TMEM200A: variants seen among roughly 807,000 people sequenced by gnomAD.
TMEM200A encodes two transmembrane C.
Under a neutral mutation model 24.3 loss-of-function variants are expected in TMEM200A, and 12 were observed. The ratio of observed to expected loss-of-function variants is 0.49; its 90% CI spans 0.32 to 0.80. The LOEUF (loss-of-function observed/expected upper bound fraction) is 0.80. Ranked by LOEUF, TMEM200A falls within the 30% of genes least tolerant of loss-of-function variation. The pLI is 0.04. For missense variants in TMEM200A, 545 were observed against 614.4 expected (o/e 0.89, Z 1.19); for synonymous variants, 224 against 224.4 (o/e 1.00, Z 0.02).
At position 130,377,999 on chromosome 6, in the gene TMEM200A, C is replaced by T. The variant is rs571104476; in HGVS notation, c.-80-7174C>T. 5.9e-5 allele frequency among the ~76,000 whole-genome samples: 9 copies of T among 151,996 alleles called. No individual in the cohort carries two copies. The South Asian group carries it at 8.3e-4, about 14-fold the overall frequency. On this transcript the variant is annotated intron_variant, in intron 1 of 2. Coordinates refer to ENST00000296978, the MANE Select transcript of TMEM200A (RefSeq NM_001258277.2). The stretch of plus-strand genomic sequence containing the variant: ...TAGTATATCCTGTGAAGGAGTGTGC[C>T]GCAGGAGGAATAGAAAGTGCAAAGG...
intron 2 of TMEM200A, among the ~76,000 whole-genome samples, chr6:130,403,532 A>C (rs1197662992): frequency 7.6e-6 from 1 of 131,092 alleles, no homozygotes; most frequent in Non-Finnish European, 1.5e-5. Flanking sequence ...TAGAATTTTG[A>C]ATGAAAAATT....
rs532835386 is a variant in TMEM200A, at chr6:130,430,770, G to A, written c.-16-9637G>A. 1.4e-4 allele frequency among the ~76,000 whole-genome samples: 22 copies of A among 152,238 alleles called. 1 individual carries two copies. Among genetic ancestry groups the A allele is most frequent in the African/African-American group, 5.3e-4 (22 of 41,546 alleles). ...CACACCTGTTTCTACCTTGCTTTAAGGATGATCCTACTTAGATTTTACTTA... is the reference window on the plus strand; with the variant it reads ...CACACCTGTTTCTACCTTGCTTTAAAGATGATCCTACTTAGATTTTACTTA... On this transcript the variant is annotated intron_variant, in intron 2 of 2. Coordinates refer to ENST00000296978, the MANE Select transcript of TMEM200A (RefSeq NM_001258277.2).
intron 2 of TMEM200A, among the ~76,000 whole-genome samples, chr6:130,432,116 A>G (rs1373124606): frequency 6.7e-6 from 1 of 149,176 alleles, no homozygotes; most frequent in East Asian, 2.0e-4. Context: ...TTCACATTAT[A>G]TCACTCTTAT....
At chr6:130,417,171 A>G (rs1185300835) in intron 2 of TMEM200A, among the ~76,000 whole-genome samples, 1 of 152,186 alleles carries the variant, frequency 6.6e-6, no homozygotes, top group Non-Finnish European at 1.5e-5. Flanking sequence ...TCATCATTTT[A>G]TCCCTGGGCC....
At chr6:130,390,332 G>A (rs1249367960) in intron 2 of TMEM200A, among the ~76,000 whole-genome samples, 1 of 152,220 alleles carries the variant, frequency 6.6e-6, no homozygotes, top group East Asian at 1.9e-4. Context: ...TAGCTGTAGA[G>A]CAAATTCAAA....
In TMEM200A at chr6:130,373,646, C is replaced by T. The variant is rs1778371553; in HGVS notation, c.-81+7122C>T. 2.0e-5 allele frequency among the ~76,000 whole-genome samples: 3 copies of T among 152,112 alleles called. No homozygotes were observed. The South Asian group carries it at 6.2e-4, about 32-fold the overall frequency. On this transcript the variant is annotated intron_variant, in intron 1 of 2. Coordinates refer to ENST00000296978, the MANE Select transcript of TMEM200A (RefSeq NM_001258277.2). ...AATGGCACTTTGATGAATCTTTCTT[C>T]AAATTTCAGAATCTGTTTTTTGTGC... is the stretch of plus-strand genomic sequence containing the variant.
At chr6:130,436,581 T>G (rs535299884) in intron 2 of TMEM200A, among the ~76,000 whole-genome samples, 15 of 150,488 alleles carry the variant, frequency 1.0e-4, no homozygotes, top group Non-Finnish European at 2.1e-4. Flanking sequence ...AGCCTGTAGA[T>G]TCACTCATTC....
chr6:130,413,468 T>C (rs1266861739), intron 2 of TMEM200A, among the ~76,000 whole-genome samples: 1 of 152,138 alleles, frequency 6.6e-6, no homozygotes, highest in African/African-American at 2.4e-5. Flanking sequence ...GGCCAAATCT[T>C]CTTCCTACGC....
intron 2 of TMEM200A, among the ~76,000 whole-genome samples, chr6:130,432,398 G>A (rs968555845): frequency 1.3e-5 from 2 of 152,200 alleles, no homozygotes; most frequent in Non-Finnish European, 2.9e-5. Flanking sequence ...AGAAAGGCGT[G>A]CTTTATTCTT....
chr6:130,367,143 G>GT (rs1015754916), intron 1 of TMEM200A, among the ~76,000 whole-genome samples: 6 of 151,904 alleles, frequency 3.9e-5, no homozygotes, highest in East Asian at 1.9e-4. Flanking sequence ...GTGTTTGTGT[G>GT]TTTTTTTTAA....
chr6:130,378,378 G>T, intron 1 of TMEM200A, among the ~76,000 whole-genome samples: 1 of 151,924 alleles, frequency 6.6e-6, no homozygotes, highest in South Asian at 2.1e-4. Flanking sequence ...GATAGGGCCT[G>T]AACTCAAATT....
intron 2 of TMEM200A, among the ~76,000 whole-genome samples, chr6:130,419,057 A>ACATACCAACACTCCC (rs1779520897): frequency 6.6e-6 from 1 of 152,250 alleles, no homozygotes; most frequent in East Asian, 1.9e-4. Flanking sequence ...CAACACTTCT[A>ACATACCAACACTCCC]CATACCACCA....
intron 2 of TMEM200A, among the ~76,000 whole-genome samples, chr6:130,396,003 T>C (rs1352909676): frequency 6.6e-6 from 1 of 152,158 alleles, no homozygotes; most frequent in Non-Finnish European, 1.5e-5. Context: ...AAAGGGATAC[T>C]TGATGTTGGA....
intron 2 of TMEM200A, among the ~76,000 whole-genome samples, chr6:130,389,426 G>T (rs377464057): frequency 6.6e-6 from 1 of 151,362 alleles, no homozygotes; most frequent in East Asian, 1.9e-4. Context: ...TATATCCTAC[G>T]TAAAGAACAA....
intron 2 of TMEM200A, among the ~76,000 whole-genome samples, chr6:130,398,651 T>G (rs974131696): frequency 6.6e-6 from 1 of 152,018 alleles, no homozygotes; most frequent in Non-Finnish European, 1.5e-5. Context: ...CATCTGTTGT[T>G]TTAAGACTTT....
Position 130,366,694 on chromosome 6 carries a change from A to G in TMEM200A, c.-81+170A>G. The G allele has an allele frequency of 1.7e-6, 1 of 581,654 alleles. No individual in the cohort carries two copies. The highest frequency in any genetic ancestry group is 2.2e-6 in the Non-Finnish European group (1 of 460,840). The allele number at this position is 581,654 out of a possible 1,614,324, so 36.0% of individuals were successfully genotyped here. A position where few individuals can be genotyped will look rare whatever the true frequency, so the allele number is the denominator to read the frequency against. On this transcript the variant is annotated intron_variant, in intron 1 of 2. Coordinates refer to ENST00000296978, the MANE Select transcript of TMEM200A (RefSeq NM_001258277.2). This position sits in a 1 kb window ranked among gnomAD's most constrained non-coding sequence, Gnocchi z 4.4. ...GTTTGGGAAATAAACCAAGTCCGCC[A>G]TCAGGTCCAGACTCCCCAGTCCCGG...
chr6:130,436,115 T>C (rs915645525), intron 2 of TMEM200A, among the ~76,000 whole-genome samples: 6 of 152,166 alleles, frequency 3.9e-5, no homozygotes, highest in Admixed American at 1.3e-4. Context: ...AAAGCAAATC[T>C]GGAGGCCCCT....
At chr6:130,420,728 G>A (rs1471178572) in intron 2 of TMEM200A, among the ~76,000 whole-genome samples, 2 of 152,114 alleles carry the variant, frequency 1.3e-5, no homozygotes, top group Non-Finnish European at 2.9e-5. Flanking sequence ...AACAGTGAGT[G>A]AAGAACAGAC....
chr6:130,437,702 T>A lies in TMEM200A; in HGVS notation c.-16-2705T>A, dbSNP rs557289950. Reference sequence around the variant, plus strand: ...TTGCCTCTTTTTGTTTCTATCCATTTTCATACTTTTAAGATACCCTTTTTT... The same window carrying A: ...TTGCCTCTTTTTGTTTCTATCCATTATCATACTTTTAAGATACCCTTTTTT... On this transcript the variant is annotated intron_variant, in intron 2 of 2. Transcript: ENST00000296978. 4 of 152,306 alleles carry A rather than the reference T, an allele frequency of 2.6e-5. No individual in the cohort carries two copies. In the South Asian group the frequency reaches 8.3e-4, roughly 32 times the overall value. 9.4% of individuals were successfully genotyped at this position (152,306 alleles called of 1,614,324 possible). A position where few individuals can be genotyped will look rare whatever the true frequency, so the allele number is the denominator to read the frequency against.
Sources: gnomAD v4.1 joint callset for allele counts (sites outside exome capture counted in the v4.1 genomes callset) on GRCh38, gnomAD v4.1.1 for gene constraint, Gnocchi (gnomAD v3.1) non-coding constraint, MANE v1.5 for transcripts, NCBI Gene and HGNC (gene_info 2026-07-23, HGNC 2026-07-21) for gene names.